The following ZNF28 variants were observed in gnomAD, a reference collection of about 807,000 sequenced individuals.
The protein encoded by ZNF28 is zinc finger protein KOX24.
ZNF28 carries 5 observed loss-of-function variants against 7.2 expected under a neutral mutation model. That is an observed-to-expected ratio of 0.70 (90% confidence interval 0.36 to 1.46). The LOEUF (loss-of-function observed/expected upper bound fraction) is 1.46, where lower values mean the gene tolerates loss of function less well. Among genes scored for constraint, ZNF28 ranks in the 40% most tolerant of loss-of-function variants. The pLI, the probability that ZNF28 is intolerant of heterozygous loss-of-function variation, is 0.03. For synonymous variants in ZNF28, 288 were observed against 292.4 expected, an observed-to-expected ratio of 0.99 and a Z score of 0.15; for missense variants, 879 against 866.6, an observed-to-expected ratio of 1.01 and a Z score of -0.18.
At position 52,800,899 on chromosome 19, in the gene ZNF28, T is replaced by C. The variant is rs2147615799; in HGVS notation, c.946A>G (p.Thr316Ala). ...CCTCCAGTATAAATTATCTTATGTG[T>C]TTCAAGGTGTGATTTGCGACTGAAA... ...KVFSRKSHLE[T>A]HKIIYTGGKP... The change falls in exon 4 of 4, where the codon ACA becomes GCA. Residue 316 changes from threonine (T) to alanine (A), a missense_variant. Physicochemically the swap from Thr to Ala is moderately conservative, Grantham distance 58 (BLOSUM62 0). Coordinates refer to ENST00000457749, the MANE Select transcript of ZNF28 (RefSeq NM_006969.5). 1 of 1,614,122 alleles carries C rather than the reference T, an allele frequency of 6.2e-7. No individual in the cohort carries two copies.
At position 52,810,902 on chromosome 19, in the gene ZNF28, CCTCT is replaced by C. The variant is rs1181775868; in HGVS notation, c.16-2773_16-2770del. Among the ~76,000 whole-genome samples, 114 of 21,062 alleles carry C rather than the reference CCTCT, an allele frequency of 5.4e-3. 5 individuals are homozygous for C. The highest frequency in any genetic ancestry group is 0.017 in the African/African-American group (102 of 6,056). The allele number at this position is 21,062 out of a possible 152,430, so 13.8% of individuals were successfully genotyped here. A position where few individuals can be genotyped will look rare whatever the true frequency, so the allele number is the denominator to read the frequency against. ...CCCCCTCCCCCTCCCCCTCCCCCTC[CCTCT>C]CCCTCTCCCTCCACAGTCTCCCTCT... On this transcript the variant is annotated intron_variant, in intron 2 of 3. Coordinates refer to ENST00000457749, the MANE Select transcript of ZNF28 (RefSeq NM_006969.5).
chr19:52,798,539 G>C lies in ZNF28; in HGVS notation c.*1149C>G. The stretch of plus-strand genomic sequence containing the variant: ...ATTTGTAAGATTTCTGTCCAGCATG[G>C]ATTCTCTGATGTCTATTGAGGTGTG... On this transcript the variant is annotated 3_prime_UTR_variant, in exon 4 of 4. Coordinates refer to ENST00000457749, the MANE Select transcript of ZNF28 (RefSeq NM_006969.5). 1 of 510,128 alleles carries C rather than the reference G, an allele frequency of 2.0e-6. No individual in the cohort carries two copies. Among genetic ancestry groups the C allele is most frequent in the Admixed American group, 2.1e-5 (1 of 47,362 alleles). 31.6% of individuals were successfully genotyped at this position (510,128 alleles called of 1,614,324 possible).
rs1452750985 is a variant in ZNF28 at position 52,813,474 on chromosome 19, G to A, written c.15+4470C>T. ...CCGTAGGGGCTGCTCCAGGGTAGGC[G>A]GGCGGGGGTGGTAGGAGGTTTTTTT... On this transcript the variant is annotated intron_variant, in intron 2 of 3. Coordinates refer to ENST00000457749, the MANE Select transcript of ZNF28 (RefSeq NM_006969.5). Among the ~76,000 whole-genome samples, 7 of 121,052 alleles carry A rather than the reference G, an allele frequency of 5.8e-5. 1 individual carries two copies. Among genetic ancestry groups the A allele is most frequent in the African/African-American group, 2.8e-4 (7 of 25,246 alleles). The allele number at this position is 121,052 out of a possible 152,430, so 79.4% of individuals were successfully genotyped here.
chr19:52,799,490 A>AT lies in ZNF28; in HGVS notation c.*197dup. ...GATGACGTGCAAGGGTTGTTTTTTG[A>AT]TTAAAAACCTTGCCACATTCATTAC... On this transcript the variant is annotated 3_prime_UTR_variant, in exon 4 of 4. Coordinates refer to ENST00000457749, the MANE Select transcript of ZNF28 (RefSeq NM_006969.5). 9.5e-7 allele frequency: 1 copy of AT among 1,047,136 alleles called. No individual in the cohort carries two copies. The highest frequency in any genetic ancestry group is 1.5e-6 in the Non-Finnish European group (1 of 688,644). 64.9% of individuals were successfully genotyped at this position (1,047,136 alleles called of 1,614,324 possible).
Position 52,811,905 on chromosome 19 carries a change from G to A in ZNF28, c.16-3772C>T, listed in dbSNP as rs969811055. On this transcript the variant is annotated intron_variant, in intron 2 of 3. Coordinates refer to ENST00000457749, the MANE Select transcript of ZNF28 (RefSeq NM_006969.5). Reference sequence around the variant, plus strand: ...AGGGAGGTGGGGGGGACAGCCCCCCGCCCGGCCAGCCGCCCTATCCAGGAG... The same window carrying A: ...AGGGAGGTGGGGGGGACAGCCCCCCACCCGGCCAGCCGCCCTATCCAGGAG... Among the ~76,000 whole-genome samples the A allele has an allele frequency of 1.4e-4, 16 of 113,458 alleles. No homozygotes were observed. In the East Asian group the frequency reaches 3.1e-3, roughly 22 times the overall value. 74.4% of individuals were successfully genotyped at this position (113,458 alleles called of 152,430 possible).
In ZNF28 at chr19:52,819,360, C is replaced by G. The variant is rs190130797; in HGVS notation, c.-73-1329G>C. ...ACAAAGTCCTCCGAAGATGGTCTCT[C>G]TTTCTGAGTCTACCACTCTCTTTCT... On this transcript the variant is annotated intron_variant, in intron 1 of 3. Transcript: ENST00000457749. Among the ~76,000 whole-genome samples the G allele has an allele frequency of 3.7e-3, 537 of 145,118 alleles. 74 individuals carry two copies. The highest frequency in any genetic ancestry group is 0.014 in the African/African-American group (511 of 37,322).
chr19:52,801,628 T>C lies in ZNF28; in HGVS notation c.217A>G (p.Thr73Ala). 6.2e-7 allele frequency: 1 copy of C among 1,614,096 alleles called. No individual in the cohort carries two copies. The highest frequency in any genetic ancestry group is 8.5e-7 in the Non-Finnish European group (1 of 1,179,980). Residue 73 changes from threonine to alanine, a missense_variant, in exon 4 of 4, where the codon ACA becomes GCA. This residue lies in a region of ZNF28 where 864 missense variants were observed against 830.2 expected (regional missense o/e 1.04). Transcript: ENST00000457749. ...TGATGACTTGCTTGTCTTTGCAATG[T>C]CCCTGTGTGGAACGCTTCTGTATTG... ...QGNTEAFHTGTLQRQASHHIG... is the reference protein window; with the variant it reads ...QGNTEAFHTGALQRQASHHIG...
chr19:52,813,616 C>CG (rs2063084506), intron 2 of ZNF28, among the ~76,000 whole-genome samples: 1 of 145,344 alleles, frequency 6.9e-6, no homozygotes, highest in Non-Finnish European at 1.5e-5. Flanking sequence ...GTCTACCACC[C>CG]ACCCCACCCC....
chr19:52,818,774 T>C (rs1352378829), intron 1 of ZNF28, among the ~76,000 whole-genome samples: 3 of 149,654 alleles, frequency 2.0e-5, no homozygotes, highest in East Asian at 3.9e-4. Flanking sequence ...TCTTAGCTAC[T>C]TGGGAGGCTG....
chr19:52,798,483 C>A lies in ZNF28; in HGVS notation c.*1205G>T, dbSNP rs2062823192. The A allele has an allele frequency of 4.1e-6, 2 of 488,844 alleles. No individual in the cohort carries two copies. Among genetic ancestry groups the A allele is most frequent in the Non-Finnish European group, 8.3e-6 (2 of 241,232 alleles). 30.3% of individuals were successfully genotyped at this position (488,844 alleles called of 1,614,324 possible). A position where few individuals can be genotyped will look rare whatever the true frequency, so the allele number is the denominator to read the frequency against. On this transcript the variant is annotated 3_prime_UTR_variant, in exon 4 of 4. Coordinates refer to ENST00000457749, the MANE Select transcript of ZNF28 (RefSeq NM_006969.5). ...TGTCTGATGGTCTGCAAGGAGTGAT[C>A]TCGGACTGAAGACCTTACCACACTG... is the stretch of plus-strand genomic sequence containing the variant.
intron 3 of ZNF28, among the ~76,000 whole-genome samples, chr19:52,804,223 T>C (rs559806525): frequency 4.9e-4 from 74 of 152,382 alleles, no homozygotes; most frequent in African/African-American, 1.8e-3. Flanking sequence ...GGCACCTTGC[T>C]CTTGGATTTC....
chr19:52,808,179 T>G, intron 2 of ZNF28, 46 bp from the exon 3 acceptor site: 13 of 1,605,026 alleles, frequency 8.1e-6, no homozygotes, highest in Non-Finnish European at 1.0e-5. Context: ...GTGGAGTTCT[T>G]ATCTTTACAG....
intron 3 of ZNF28, among the ~76,000 whole-genome samples, chr19:52,803,960 A>G (rs984526150): frequency 6.6e-5 from 10 of 152,208 alleles, no homozygotes; most frequent in African/African-American, 2.4e-4. Context: ...CCATCTCAAA[A>G]AAATAAAATA....
intron 2 of ZNF28, among the ~76,000 whole-genome samples, chr19:52,808,528 G>A (rs1310697401): frequency 2.0e-5 from 3 of 151,656 alleles, no homozygotes; most frequent in South Asian, 2.1e-4. Context: ...TCCCAGCTAC[G>A]CAGGAGGCTG....
rs1441302795 is a variant in ZNF28 at position 52,800,115 on chromosome 19, T to C, written c.1730A>G (p.Lys577Arg). The C allele has an allele frequency of 3.7e-6, 6 of 1,614,018 alleles. No homozygotes were observed. Among genetic ancestry groups the C allele is most frequent in the Non-Finnish European group, 5.1e-6 (6 of 1,179,984 alleles). The change falls in exon 4 of 4, where the codon AAA becomes AGA. Residue 577 changes from lysine to arginine, a missense_variant. Lys to Arg is a conservative substitution (Grantham distance 26, BLOSUM62 2). Around this residue, in one of 2 missense-constraint regions of ZNF28, gnomAD observed 864 missense variants for 830.2 expected, o/e 1.04. Coordinates refer to ENST00000457749, the MANE Select transcript of ZNF28 (RefSeq NM_006969.5). ...GTCACAAACCTTACATTTGTACGGT[T>C]TCTCTCCAGTATGAATCCTCCTATG... ...ERHRRIHTGEKPYKCKVCDKA... is the reference protein window; with the variant it reads ...ERHRRIHTGERPYKCKVCDKA...
intron 1 of ZNF28, among the ~76,000 whole-genome samples, chr19:52,819,358 CTCTT>C (rs1302230793): frequency 2.1e-5 from 3 of 145,532 alleles, no homozygotes; most frequent in Admixed American, 7.0e-5. Flanking sequence ...AAGATGGTCT[CTCTT>C]TCTGAGTCTA....
intron 2 of ZNF28, among the ~76,000 whole-genome samples, chr19:52,817,731 G>A (rs1366600329): frequency 6.6e-6 from 1 of 152,062 alleles, no homozygotes. Flanking sequence ...GACCTTCCCA[G>A]GACCATGCCC....
chr19:52,803,741 T>G (rs1019776689), intron 3 of ZNF28, among the ~76,000 whole-genome samples: 2 of 151,782 alleles, frequency 1.3e-5, no homozygotes, highest in African/African-American at 4.8e-5. Flanking sequence ...CTGAGGCAGG[T>G]AAATCAGGAG....
rs1194022391 is a variant in ZNF28, at chr19:52,819,593, G to A, written c.-73-1562C>T. On this transcript the variant is annotated intron_variant, in intron 1 of 3. Coordinates refer to ENST00000457749, the MANE Select transcript of ZNF28 (RefSeq NM_006969.5). ...CAAGTTGCAGGGGAGGCTCACTGGG[G>A]CTCAGAGCTGGAAACATTTTCACGA... is the stretch of plus-strand genomic sequence containing the variant. Among the ~76,000 whole-genome samples the A allele has an allele frequency of 3.4e-5, 3 of 87,484 alleles. 1 individual carries two copies. Among genetic ancestry groups the A allele is most frequent in the African/African-American group, 1.4e-4 (3 of 22,144 alleles). The allele number at this position is 87,484 out of a possible 152,430, so 57.4% of individuals were successfully genotyped here.
Sources: gnomAD v4.1 joint callset for allele counts (sites outside exome capture counted in the v4.1 genomes callset) on GRCh38, gnomAD v4.1.1 for gene constraint, gnomAD v4.1.1 regional missense constraint, MANE v1.5 for transcripts, NCBI Gene and HGNC (gene_info 2026-07-23, HGNC 2026-07-21) for gene names.